FAM221A: variants seen among roughly 807,000 people sequenced by gnomAD.
The protein encoded by FAM221A is family with sequence similarity 221 member A, also known as protein FAM221A.
In FAM221A, 43 loss-of-function variants were observed where a neutral mutation model predicts 37.6. The observed-to-expected ratio is 1.15, with a 90% CI of 0.90 to 1.48. FAM221A has a LOEUF of 1.48. FAM221A is among the 40% of genes most tolerant of loss of function. The pLI is 0.00. For missense variants in FAM221A, 361 were observed against 361.5 expected, an observed-to-expected ratio of 1.00 and a Z score of 0.01; for synonymous variants, 135 against 132.9, an observed-to-expected ratio of 1.02 and a Z score of -0.11.
rs903680969 is a variant in FAM221A at position 23,699,743 on chromosome 7, T to A, written c.746-1043T>A. ...TTTTTGTAGAGACAGGGTTTTGCCA[T>A]GTTGCCCAGGCTGGTCTCGAACTCT... On this transcript the variant is annotated intron_variant, in intron 5 of 6. Transcript: ENST00000344962. Among the ~76,000 whole-genome samples the A allele has an allele frequency of 3.3e-5, 5 of 151,976 alleles. No individual in the cohort carries two copies. In the East Asian group the frequency reaches 9.7e-4, roughly 29 times the overall value.
intron 1 of FAM221A, among the ~76,000 whole-genome samples, chr7:23,682,221 G>A (rs1000010422): frequency 6.6e-6 from 1 of 151,292 alleles, no homozygotes; most frequent in African/African-American, 2.4e-5. Context: ...ATGCATCTCC[G>A]CACCCAGCTA....
At chr7:23,695,464 CT>C (rs1784997643) in intron 4 of FAM221A, among the ~76,000 whole-genome samples, 4 of 152,178 alleles carry the variant, frequency 2.6e-5, no homozygotes, top group African/African-American at 9.7e-5. Flanking sequence ...TCTCTGCCTC[CT>C]GGGTTCAAGT....
chr7:23,690,332 G>A (rs1784668285), intron 3 of FAM221A, among the ~76,000 whole-genome samples: 1 of 151,060 alleles, frequency 6.6e-6, no homozygotes, highest in African/African-American at 2.4e-5. Flanking sequence ...AGCCTCCCAA[G>A]TAGCTGAGAT....
intron 2 of FAM221A, 128 bp downstream of exon 2, chr7:23,684,800 T>C: frequency 1.1e-6 from 1 of 908,704 alleles, no homozygotes; most frequent in Non-Finnish European, 1.6e-6. Flanking sequence ...GTAGAAATTA[T>C]CAGCTGGGGA....
chr7:23,681,713 A>G (rs1562513405), intron 1 of FAM221A, among the ~76,000 whole-genome samples: 1 of 152,196 alleles, frequency 6.6e-6, no homozygotes, highest in Admixed American at 6.5e-5. Context: ...CGGCTGGGAA[A>G]TTATTTTTGC....
intron 6 of FAM221A, among the ~76,000 whole-genome samples, chr7:23,701,453 A>T (rs1785451419): frequency 6.6e-6 from 1 of 151,962 alleles, no homozygotes; most frequent in South Asian, 2.1e-4. Flanking sequence ...GTTAGCCAGG[A>T]TGGTCTGGAT....
chr7:23,697,567 C>T (rs1785134951), intron 4 of FAM221A, among the ~76,000 whole-genome samples: 1 of 152,144 alleles, frequency 6.6e-6, no homozygotes, highest in Non-Finnish European at 1.5e-5. Flanking sequence ...ACTTATTCTA[C>T]CCTTTTCAGC....
At position 23,697,795 on chromosome 7, in the gene FAM221A, C is replaced by T. The variant is rs990893628; in HGVS notation, c.638-397C>T. ...AAGAGTCTCACAGTGTTGCCCAGGC[C>T]GGATCCAGTGAAGTGATGTGATCAT... On this transcript the variant is annotated intron_variant, in intron 4 of 6. Coordinates refer to ENST00000344962, the MANE Select transcript of FAM221A (RefSeq NM_199136.5). Among the ~76,000 whole-genome samples the T allele has an allele frequency of 5.9e-5, 9 of 152,158 alleles. 1 individual carries two copies. The highest frequency in any genetic ancestry group is 2.1e-4 in the South Asian group (1 of 4,826).
At chr7:23,699,896 A>G (rs1785300938) in intron 5 of FAM221A, among the ~76,000 whole-genome samples, 2 of 152,188 alleles carry the variant, frequency 1.3e-5, no homozygotes, top group Admixed American at 6.5e-5. Flanking sequence ...AAATGGTAAT[A>G]TGCCATTATA....
In FAM221A at chr7:23,693,147, C is replaced by T. The variant is rs186721145; in HGVS notation, c.637+1551C>T. ...TTGAATTTGTCTGCCTGTATCCTTG[C>T]ATGAATTTGACTCTAAGGTAGATAC... On this transcript the variant is annotated intron_variant, in intron 4 of 6. Coordinates refer to ENST00000344962, the MANE Select transcript of FAM221A (RefSeq NM_199136.5). 9.2e-5 allele frequency: 14 copies of T among 152,280 alleles called. No homozygotes were observed. In the East Asian group the frequency reaches 2.7e-3, roughly 29 times the overall value. 9.4% of individuals were successfully genotyped at this position (152,280 alleles called of 1,614,324 possible).
At chr7:23,701,387 C>G (rs537897353) in intron 6 of FAM221A, among the ~76,000 whole-genome samples, 1 of 151,826 alleles carries the variant, frequency 6.6e-6, no homozygotes, top group East Asian at 1.9e-4. Flanking sequence ...CCACAGGCGC[C>G]CACCACCATG....
At chr7:23,685,763 G>A (rs1020865362) in intron 2 of FAM221A, among the ~76,000 whole-genome samples, 22 of 152,328 alleles carry the variant, frequency 1.4e-4, no homozygotes, top group Admixed American at 1.4e-3. Flanking sequence ...GGCTTGAGTT[G>A]TCTGTATCTG....
intron 4 of FAM221A, chr7:23,693,014 GAC>G (rs1479601706): frequency 6.6e-6 from 1 of 152,106 alleles, no homozygotes; most frequent in Non-Finnish European, 1.5e-5. Context: ...ATTGTGTCAG[GAC>G]ACACAAGTCT....
intron 1 of FAM221A, among the ~76,000 whole-genome samples, chr7:23,684,182 G>A (rs558262698): frequency 2.0e-5 from 3 of 152,116 alleles, no homozygotes; most frequent in Non-Finnish European, 2.9e-5. Context: ...AGTCCCAAAC[G>A]GGTCCTTTAA....
intron 3 of FAM221A, 103 bp downstream of exon 3, chr7:23,689,562 A>G: frequency 1.2e-6 from 1 of 824,684 alleles, no homozygotes; most frequent in South Asian, 3.1e-5. Flanking sequence ...ATTCAGTTGT[A>G]TTAGTTGTAG....
chr7:23,699,488 T>A (rs1030955191), intron 5 of FAM221A, among the ~76,000 whole-genome samples: 28 of 151,500 alleles, frequency 1.8e-4, no homozygotes, highest in Admixed American at 9.2e-4. Flanking sequence ...AAGCTTTTTT[T>A]CAGCAAATAC....
chr7:23,689,989 T>C (rs1784616369), intron 3 of FAM221A, among the ~76,000 whole-genome samples: 1 of 151,370 alleles, frequency 6.6e-6, no homozygotes, highest in Non-Finnish European at 1.5e-5. Flanking sequence ...CTAGGTAGAG[T>C]GCTAGTCCAT....
rs530156270 is a variant in FAM221A, at chr7:23,690,316, T to C, written c.430+857T>C. On this transcript the variant is annotated intron_variant, in intron 3 of 6. Coordinates refer to ENST00000344962, the MANE Select transcript of FAM221A (RefSeq NM_199136.5). ...GCCTCCAGGGTTCAAGTGATGCTCC[T>C]GCCTCAGCCTCCCAAGTAGCTGAGA... is the stretch of plus-strand genomic sequence containing the variant. Among the ~76,000 whole-genome samples the C allele has an allele frequency of 1.6e-3, 243 of 151,258 alleles. 2 individuals are homozygous for C. The highest frequency in any genetic ancestry group is 5.2e-3 in the African/African-American group (216 of 41,198).
chr7:23,690,199 A>ATATATATATATT (rs774313037), intron 3 of FAM221A, among the ~76,000 whole-genome samples: 69 of 48,716 alleles, frequency 1.4e-3, no homozygotes, highest in African/African-American at 3.1e-3. Context: ...ATATATATAT[A>ATATATATATATT]TTTTTTTTTT....
Sources: gnomAD v4.1 joint callset for allele counts (sites outside exome capture counted in the v4.1 genomes callset) on GRCh38, gnomAD v4.1.1 for gene constraint, MANE v1.5 for transcripts, NCBI Gene and HGNC (gene_info 2026-07-23, HGNC 2026-07-21) for gene names.